The following TP63 variants were observed in gnomAD, a reference collection of about 807,000 sequenced individuals.
TP63 encodes tumor protein p63, also known as tumor protein 63.
A neutral mutation model predicts 82.8 loss-of-function variants in TP63; 17 were observed. The ratio of observed to expected loss-of-function variants is 0.21; its 90% CI spans 0.14 to 0.31. TP63 has a LOEUF of 0.31. TP63 is among the 10% of genes least tolerant of loss of function. The pLI is 1.00. For missense variants in TP63, 648 were observed against 895.3 expected (o/e 0.72, Z 3.52); for synonymous variants, 330 against 321.7 (o/e 1.03, Z -0.28).
intron 4 of TP63, among the ~76,000 whole-genome samples, chr3:189,832,930 T>G (rs555641462): frequency 6.6e-6 from 1 of 152,240 alleles, no homozygotes. Flanking sequence ...TTTACTATTA[T>G]GCGTCTGTTA....
chr3:189,688,378 C>T (rs1262359042), intron 1 of TP63, among the ~76,000 whole-genome samples: 1 of 152,106 alleles, frequency 6.6e-6, no homozygotes, highest in African/African-American at 2.4e-5. Context: ...AAGATTTATA[C>T]CCTTCTTTAG....
chr3:189,624,745 A>G, the TP63 span, among the ~76,000 whole-genome samples: 1 of 152,182 alleles, frequency 6.6e-6, no homozygotes, highest in African/African-American at 2.4e-5. Flanking sequence ...CACATTTTTC[A>G]TGGTTGGTAA....
At chr3:189,683,089 C>T (rs886116065) in intron 1 of TP63, among the ~76,000 whole-genome samples, 14 of 152,110 alleles carry the variant, frequency 9.2e-5, no homozygotes, top group Non-Finnish European at 1.3e-4. Flanking sequence ...CAGTTTCATG[C>T]ACCTATTAAG....
intron 9 of TP63, among the ~76,000 whole-genome samples, chr3:189,871,431 G>A (rs568053343): frequency 6.6e-6 from 1 of 152,138 alleles, no homozygotes; most frequent in African/African-American, 2.4e-5. Flanking sequence ...GAGTACCCAA[G>A]AAGCTCCAAA....
chr3:189,720,741 A>G (rs1169064923), intron 1 of TP63, among the ~76,000 whole-genome samples: 30 of 32,980 alleles, frequency 9.1e-4, no homozygotes, highest in African/African-American at 2.8e-3. Flanking sequence ...TCTCAGAAAA[A>G]AAAAAAAAAA....
At chr3:189,751,834 A>C (rs1242360122) in intron 3 of TP63, among the ~76,000 whole-genome samples, 1 of 151,944 alleles carries the variant, frequency 6.6e-6, no homozygotes, top group Non-Finnish European at 1.5e-5. Context: ...ATTAGATCCT[A>C]TTTGTCAATT....
At chr3:189,705,244 G>A (rs1468273108) in intron 1 of TP63, among the ~76,000 whole-genome samples, 1 of 152,098 alleles carries the variant, frequency 6.6e-6, no homozygotes, top group African/African-American at 2.4e-5. Flanking sequence ...TGTCCTACAG[G>A]CAAATTGCCT....
chr3:189,828,600 C>G (rs548522024), intron 4 of TP63, among the ~76,000 whole-genome samples: 2 of 152,252 alleles, frequency 1.3e-5, no homozygotes, highest in East Asian at 3.9e-4. Context: ...GACAAAAGAA[C>G]ATTTTATATT....
chr3:189,680,658 A>G (rs572782451), intron 1 of TP63, among the ~76,000 whole-genome samples: 28 of 152,344 alleles, frequency 1.8e-4, no homozygotes, highest in Admixed American at 2.6e-4. Context: ...GTGACATATC[A>G]CATTAACAGG....
chr3:189,847,849 A>G (rs1288303710), intron 4 of TP63, among the ~76,000 whole-genome samples: 1 of 152,262 alleles, frequency 6.6e-6, no homozygotes, highest in Non-Finnish European at 1.5e-5. Context: ...AACTAAAAAT[A>G]AGTATATATA....
intron 1 of TP63, among the ~76,000 whole-genome samples, chr3:189,656,623 C>A (rs1713388780): frequency 6.6e-6 from 1 of 151,990 alleles, no homozygotes; most frequent in African/African-American, 2.4e-5. Flanking sequence ...GTAAAAAACT[C>A]ACTTTAAATA....
the TP63 span, among the ~76,000 whole-genome samples, chr3:189,620,169 G>A: frequency 2.4e-4 from 36 of 152,248 alleles, no homozygotes; most frequent in African/African-American, 7.2e-4. Flanking sequence ...TCAAGAGATC[G>A]AGACCATCCT....
rs563680452 is a variant in TP63 at position 189,798,345 on chromosome 3, T to C, written c.325-9927T>C. Among the ~76,000 whole-genome samples the C allele has an allele frequency of 3.3e-5, 5 of 152,244 alleles. No individual in the cohort carries two copies. The East Asian group carries it at 9.7e-4, about 29-fold the overall frequency. On this transcript the variant is annotated intron_variant, in intron 3 of 13. Transcript: ENST00000264731. ...AGGTCATTTGTTTTTGCTGTTTGTT[T>C]GTTTTAATAAGCCCAATATTATTTC...
At chr3:189,701,857 G>A (rs1421434066) in intron 1 of TP63, among the ~76,000 whole-genome samples, 1 of 152,074 alleles carries the variant, frequency 6.6e-6, no homozygotes, top group African/African-American at 2.4e-5. Context: ...AATTAGTTGA[G>A]TGTATTCTTC....
At chr3:189,724,043 A>G (rs199978719) in intron 1 of TP63, among the ~76,000 whole-genome samples, 48 of 141,568 alleles carry the variant, frequency 3.4e-4, no homozygotes, top group Admixed American at 3.1e-3. Flanking sequence ...CATTGTTGCA[A>G]ATATCCACTC....
At position 189,701,313 on chromosome 3, in the gene TP63, A is replaced by G. The variant is rs116528192; in HGVS notation, c.63-36427A>G. On this transcript the variant is annotated intron_variant, in intron 1 of 13. Transcript: ENST00000264731. ...TTCTGTGAAGATGTGAAAGCTATGA[A>G]AATTCATTTCTCCGTATGTCTGAGT... Among the ~76,000 whole-genome samples, 343 of 152,134 alleles carry G rather than the reference A, an allele frequency of 2.3e-3. 1 individual carries two copies. The highest frequency in any genetic ancestry group is 7.3e-3 in the African/African-American group (305 of 41,522).
At chr3:189,842,836 C>G (rs1348662596) in intron 4 of TP63, among the ~76,000 whole-genome samples, 3 of 152,180 alleles carry the variant, frequency 2.0e-5, no homozygotes, top group Admixed American at 1.3e-4. Flanking sequence ...ACACGAGTAC[C>G]TGCTGTATGA....
intron 1 of TP63, among the ~76,000 whole-genome samples, chr3:189,710,665 G>C (rs772970274): frequency 6.6e-6 from 1 of 152,064 alleles, no homozygotes; most frequent in Non-Finnish European, 1.5e-5. Flanking sequence ...AGTTATTTAT[G>C]TGCTTAAAAT....
rs957895088 is a variant in TP63, at chr3:189,894,289, C to A, written c.1830C>A (p.Phe610Leu). 3 of 1,613,960 alleles carry A rather than the reference C, an allele frequency of 1.9e-6. No homozygotes were observed. The highest frequency in any genetic ancestry group is 2.7e-5 in the African/African-American group (2 of 74,906). The change falls in exon 14 of 14, where the codon TTC (phenylalanine) becomes TTA (leucine). Residue 610 changes from phenylalanine to leucine, a missense_variant. Physicochemically the swap from Phe to Leu is conservative, Grantham distance 22 (BLOSUM62 0). Coordinates refer to ENST00000264731, the MANE Select transcript of TP63 (RefSeq NM_003722.5). ...GILDHRQLHEFSSPSHLLRTP... is the reference protein window; with the variant it reads ...GILDHRQLHELSSPSHLLRTP... ...TGGACCACCGGCAGCTCCACGAATT[C>A]TCCTCCCCTTCTCATCTCCTGCGGA...
Sources: allele counts gnomAD v4.1 joint callset (sites outside exome capture counted in the v4.1 genomes callset), GRCh38; gene constraint gnomAD v4.1.1; transcripts MANE v1.5; gene names NCBI Gene and HGNC (gene_info 2026-07-23, HGNC 2026-07-21).